CDH17: variants seen among roughly 807,000 people sequenced by gnomAD.
CDH17 encodes cadherin 17.
In CDH17, 67 loss-of-function variants were observed where a neutral mutation model predicts 86.3. The observed-to-expected ratio is 0.78, with a 90% confidence interval of 0.64 to 0.95. The LOEUF (loss-of-function observed/expected upper bound fraction) is 0.95, where lower values mean the gene tolerates loss of function less well. Ranked by LOEUF, CDH17 falls within the 40% of genes least tolerant of loss-of-function variation. CDH17 has a pLI of 0.00. For missense variants in CDH17, 993 were observed against 1,017.6 expected (o/e 0.98, Z 0.33); for synonymous variants, 367 against 366.4 (o/e 1.00, Z -0.02).
At chr8:94,188,253 A>G (rs1159556481) in intron 3 of CDH17, among the ~76,000 whole-genome samples, 1 of 152,188 alleles carries the variant, frequency 6.6e-6, no homozygotes, top group Non-Finnish European at 1.5e-5. Flanking sequence ...TGCTATGTAA[A>G]TGATTATTAT....
At chr8:94,179,009 A>G (rs1185152568) in intron 3 of CDH17, among the ~76,000 whole-genome samples, 1 of 151,540 alleles carries the variant, frequency 6.6e-6, no homozygotes, top group African/African-American at 2.4e-5. Context: ...AATATGGGAA[A>G]TTAACCAGAT....
intron 3 of CDH17, among the ~76,000 whole-genome samples, chr8:94,187,937 T>C (rs1379252154): frequency 6.6e-6 from 1 of 152,250 alleles, no homozygotes; most frequent in East Asian, 1.9e-4. Context: ...CCGGGCTGCA[T>C]AGACATGCAA....
chr8:94,142,232 C>G (rs1419771578), intron 15 of CDH17, among the ~76,000 whole-genome samples: 1 of 152,136 alleles, frequency 6.6e-6, no homozygotes, highest in Non-Finnish European at 1.5e-5. Flanking sequence ...TGCAATAAAG[C>G]AAATAGCTCA....
chr8:94,204,651 G>A (rs1326378982), intron 1 of CDH17, among the ~76,000 whole-genome samples: 1 of 151,872 alleles, frequency 6.6e-6, no homozygotes, highest in Admixed American at 6.6e-5. Flanking sequence ...TAATCCTTTG[G>A]GTATATACCC....
intron 11 of CDH17, among the ~76,000 whole-genome samples, chr8:94,161,747 T>G (rs751565974): frequency 2.0e-5 from 3 of 152,216 alleles, no homozygotes; most frequent in African/African-American, 4.8e-5. Flanking sequence ...ATCTATTTAT[T>G]GTCCTAACAC....
chr8:94,159,152 G>A (rs750496495), intron 12 of CDH17, among the ~76,000 whole-genome samples: 1 of 152,140 alleles, frequency 6.6e-6, no homozygotes, highest in Non-Finnish European at 1.5e-5. Flanking sequence ...AAACACAGAT[G>A]AGGCAGCCAC....
chr8:94,189,379 A>T (rs1813642940), intron 2 of CDH17, 94 bp from the exon 3 acceptor site: 3 of 819,404 alleles, frequency 3.7e-6, no homozygotes, highest in Admixed American at 2.6e-5. Flanking sequence ...TATACAAAAC[A>T]TAGGATTCTA....
chr8:94,194,790 A>T, intron 1 of CDH17, 85 bp from the exon 2 acceptor site: 1 of 729,064 alleles, frequency 1.4e-6, no homozygotes, highest in South Asian at 1.7e-5. Context: ...AATGGATGAT[A>T]TCCAGTTATA....
chr8:94,199,038 GATATATATAT>G (rs869128612), intron 1 of CDH17, among the ~76,000 whole-genome samples: 2,149 of 72,612 alleles, frequency 0.03, 39 homozygotes, highest in Admixed American at 0.075. Context: ...AGTTCTGATT[GATATATATAT>G]ATATATATAT....
At chr8:94,144,506 T>C (rs867751537) in intron 15 of CDH17, among the ~76,000 whole-genome samples, 5 of 151,922 alleles carry the variant, frequency 3.3e-5, no homozygotes, top group Non-Finnish European at 7.4e-5. Flanking sequence ...TGCAATAAGA[T>C]GAGGTATGCC....
chr8:94,211,527 G>C (rs536236042), upstream of CDH17, among the ~76,000 whole-genome samples: 1 of 152,266 alleles, frequency 6.6e-6, no homozygotes, highest in Non-Finnish European at 1.5e-5. Context: ...TGGCCAGTCT[G>C]GTCTTGAGCT....
Position 94,155,217 on chromosome 8 carries a change from C to T in CDH17, c.1552-3105G>A, listed in dbSNP as rs142148025. Among the ~76,000 whole-genome samples, 6 of 152,156 alleles carry T rather than the reference C, an allele frequency of 3.9e-5. No homozygotes were observed. The East Asian group carries it at 5.8e-4, about 15-fold the overall frequency. On this transcript the variant is annotated intron_variant, in intron 12 of 17. Transcript: ENST00000027335. Reference sequence around the variant, plus strand: ...CGACCTCGTGACGTGGTCCAATACACGTCACGTGGTCCACGGTTCAATTAG... The same window carrying T: ...CGACCTCGTGACGTGGTCCAATACATGTCACGTGGTCCACGGTTCAATTAG...
chr8:94,196,389 T>C (rs1237885614), intron 1 of CDH17, among the ~76,000 whole-genome samples: 1 of 152,184 alleles, frequency 6.6e-6, no homozygotes, highest in African/African-American at 2.4e-5. Flanking sequence ...ACCCAGGATG[T>C]AGATTTGCAG....
upstream of CDH17, among the ~76,000 whole-genome samples, chr8:94,213,514 ATT>A (rs1355952507): frequency 6.6e-6 from 1 of 152,082 alleles, no homozygotes; most frequent in South Asian, 2.1e-4. Context: ...TCCCTCAGAC[ATT>A]TTTTTCTCAG....
intron 7 of CDH17, among the ~76,000 whole-genome samples, chr8:94,172,214 T>C (rs1450379895): frequency 6.6e-6 from 1 of 151,952 alleles, no homozygotes; most frequent in African/African-American, 2.4e-5. Context: ...GAATAATAGC[T>C]ATGAAGACTT....
rs1490110181 is a variant in CDH17 at position 94,162,123 on chromosome 8, T to C, written c.1322A>G (p.Asp441Gly). 2 of 1,608,722 alleles carry C rather than the reference T, an allele frequency of 1.2e-6. No homozygotes were observed. The highest frequency in any genetic ancestry group is 2.7e-5 in the African/African-American group (2 of 74,956). ...AAAGATGGGGATCTGATCATTGATATCAATAACGTTGATTTGCACAAAACA... is the reference window on the plus strand; with the variant it reads ...AAAGATGGGGATCTGATCATTGATACCAATAACGTTGATTTGCACAAAACA... Reference protein sequence around the residue: ...TLCFVQINVIDINDQIPIFEK... With the variant: ...TLCFVQINVIGINDQIPIFEK... Residue 441 changes from aspartate (D) to glycine (G), a missense_variant, in exon 11 of 18, where the codon GAT becomes GGT. Transcript: ENST00000027335.
chr8:94,211,033 A>AG (rs1450419439), upstream of CDH17, among the ~76,000 whole-genome samples: 1 of 151,764 alleles, frequency 6.6e-6, no homozygotes, highest in African/African-American at 2.4e-5. Flanking sequence ...AAAAAAAAAA[A>AG]AAAAAGAAAA....
At position 94,128,019 on chromosome 8, in the gene CDH17, G is replaced by T. The variant is rs1812334485; in HGVS notation, c.*221C>A. 2.4e-6 allele frequency: 1 copy of T among 411,644 alleles called. No individual in the cohort carries two copies. Among genetic ancestry groups the T allele is most frequent in the Non-Finnish European group, 4.3e-6 (1 of 230,188 alleles). 25.5% of individuals were successfully genotyped at this position (411,644 alleles called of 1,614,324 possible). A position where few individuals can be genotyped will look rare whatever the true frequency, so the allele number is the denominator to read the frequency against. On this transcript the variant is annotated 3_prime_UTR_variant, in exon 18 of 18. Transcript: ENST00000027335. ...GAGGCAGGAGAATCATGTGAACCCAGGAGGCGGAGGTTGCAGTGAGCTGGG... is the reference window on the plus strand; with the variant it reads ...GAGGCAGGAGAATCATGTGAACCCATGAGGCGGAGGTTGCAGTGAGCTGGG...
At chr8:94,148,580 A>C (rs1478726253) in intron 14 of CDH17, among the ~76,000 whole-genome samples, 164 bp downstream of exon 14, 1 of 142,114 alleles carries the variant, frequency 7.0e-6, no homozygotes, top group Admixed American at 7.0e-5. Context: ...GGAAGATATG[A>C]GCACTCCCTT....
Sources: gnomAD v4.1 joint callset for allele counts (sites outside exome capture counted in the v4.1 genomes callset) on GRCh38, gnomAD v4.1.1 for gene constraint, MANE v1.5 for transcripts, NCBI Gene and HGNC (gene_info 2026-07-23, HGNC 2026-07-21) for gene names.